Variants in ERI3 observed in about 807,000 individuals in gnomAD.
The protein encoded by ERI3 is ERI1 exoribonuclease family member 3.
A neutral mutation model predicts 44.4 loss-of-function variants in ERI3; 18 were observed. That is an observed-to-expected ratio of 0.41 (90% confidence interval 0.28 to 0.60). The LOEUF is 0.60. Among genes scored for constraint, ERI3 ranks in the 20% least tolerant of loss-of-function variants. The pLI is 0.36. For synonymous variants in ERI3, 183 were observed against 164.8 expected, an observed-to-expected ratio of 1.11 and a Z score of -0.84; for missense variants, 294 against 435.5, an observed-to-expected ratio of 0.68 and a Z score of 2.89.
At chr1:44,317,377 C>T (rs114249427) in intron 4 of ERI3, among the ~76,000 whole-genome samples, 13 of 152,270 alleles carry the variant, frequency 8.5e-5, no homozygotes, top group Non-Finnish European at 1.8e-4. Context: ...CTATGCCTCT[C>T]GGAGATACAA....
intron 4 of ERI3, among the ~76,000 whole-genome samples, chr1:44,317,816 G>C (rs1002135866): frequency 6.6e-6 from 1 of 152,118 alleles, no homozygotes; most frequent in Non-Finnish European, 1.5e-5. Flanking sequence ...AAGACAGACT[G>C]TAAGAGGGCA....
At chr1:44,328,997 C>T (rs1646374326) in intron 3 of ERI3, among the ~76,000 whole-genome samples, 1 of 152,192 alleles carries the variant, frequency 6.6e-6, no homozygotes, top group South Asian at 2.1e-4. Context: ...AGGGAGCTAG[C>T]AAAAAGTCTT....
chr1:44,275,217 G>C (rs1219792656), intron 7 of ERI3, among the ~76,000 whole-genome samples: 1 of 152,054 alleles, frequency 6.6e-6, no homozygotes, highest in Non-Finnish European at 1.5e-5. Context: ...AGCTCTGTGG[G>C]CAGCACCTTG....
chr1:44,221,380 GT>G lies in ERI3; in HGVS notation c.*177del, dbSNP rs1467319861. 1 of 589,792 alleles carries G rather than the reference GT, an allele frequency of 1.7e-6. No individual in the cohort carries two copies. Among genetic ancestry groups the G allele is most frequent in the African/African-American group, 1.9e-5 (1 of 52,986 alleles). The allele number at this position is 589,792 out of a possible 1,614,324, so 36.5% of individuals were successfully genotyped here. A position where few individuals can be genotyped will look rare whatever the true frequency, so the allele number is the denominator to read the frequency against. On this transcript the variant is annotated 3_prime_UTR_variant, in exon 9 of 9. Coordinates refer to ENST00000372257, the MANE Select transcript of ERI3 (RefSeq NM_024066.3). This position sits in a 1 kb window ranked among gnomAD's most constrained non-coding sequence, Gnocchi z 5.9. ...AAAGTGTCTGCTCCAGAAGGGCCAA[GT>G]GGCCAAGCCCTTGCAAGGGCACAAG...
At chr1:44,224,137 T>C (rs982687157) in intron 8 of ERI3, among the ~76,000 whole-genome samples, 4 of 152,210 alleles carry the variant, frequency 2.6e-5, no homozygotes, top group Admixed American at 6.5e-5. Flanking sequence ...TTTTCTCTTC[T>C]TCTCTGCCTA....
chr1:44,314,570 C>G (rs1429734719), intron 4 of ERI3, among the ~76,000 whole-genome samples: 1 of 152,166 alleles, frequency 6.6e-6, no homozygotes, highest in Non-Finnish European at 1.5e-5. Flanking sequence ...GCTGGCACCT[C>G]CACACCCTTT....
intron 6 of ERI3, among the ~76,000 whole-genome samples, chr1:44,295,679 A>G (rs1049847380): frequency 1.3e-5 from 2 of 152,216 alleles, no homozygotes; most frequent in African/African-American, 4.8e-5. Flanking sequence ...GACACTCTTA[A>G]ATCAATGAAT....
chr1:44,322,574 C>T, intron 3 of ERI3: 1 of 1,050,382 alleles, frequency 9.5e-7, no homozygotes, highest in Non-Finnish European at 1.3e-6. Context: ...TTTGCAGGGG[C>T]CCTTCCTCCA....
intron 5 of ERI3, among the ~76,000 whole-genome samples, chr1:44,312,388 ACC>A (rs1359817987): frequency 6.6e-6 from 1 of 151,804 alleles, no homozygotes; most frequent in African/African-American, 2.4e-5. Context: ...TGGGAGGGGG[ACC>A]TTCTCCCCCT....
At chr1:44,329,902 T>G (rs1572295138) in intron 3 of ERI3, among the ~76,000 whole-genome samples, 1 of 152,200 alleles carries the variant, frequency 6.6e-6, no homozygotes, top group African/African-American at 2.4e-5. Flanking sequence ...AAAAGAGTTA[T>G]GAGCTACATA....
rs997025696 is a variant in ERI3, at chr1:44,333,110, T to C, written c.489+5935A>G. Among the ~76,000 whole-genome samples, 6 of 152,326 alleles carry C rather than the reference T, an allele frequency of 3.9e-5. No homozygotes were observed. In the East Asian group the frequency reaches 5.8e-4, roughly 15 times the overall value. ...TCATAACTCAGCCCCCTCAAGCATT[T>C]TGTGCTCTGCTTATGGTGTTAACTT... On this transcript the variant is annotated intron_variant, in intron 3 of 8. Coordinates refer to ENST00000372257, the MANE Select transcript of ERI3 (RefSeq NM_024066.3).
At chr1:44,245,032 A>G (rs1373679520) in intron 8 of ERI3, among the ~76,000 whole-genome samples, 1 of 152,102 alleles carries the variant, frequency 6.6e-6, no homozygotes, top group Non-Finnish European at 1.5e-5. Flanking sequence ...CACACAGTTA[A>G]TTAGCACCAT....
At chr1:44,248,085 A>C (rs1557783431) in intron 7 of ERI3, 47 bp from the exon 8 acceptor site, 1 of 1,370,626 alleles carries the variant, frequency 7.3e-7, no homozygotes, top group Middle Eastern at 1.8e-4. Context: ...GACCCTCTGA[A>C]CCAACCCCAC....
chr1:44,283,821 A>C (rs565356607), intron 7 of ERI3, among the ~76,000 whole-genome samples: 7 of 152,258 alleles, frequency 4.6e-5, no homozygotes, highest in South Asian at 4.1e-4. Flanking sequence ...TCCAGCCCCC[A>C]CACACACCAA....
At chr1:44,313,102 G>A in intron 5 of ERI3, 67 bp downstream of exon 5, 1 of 1,339,586 alleles carries the variant, frequency 7.5e-7, no homozygotes, top group Non-Finnish European at 1.1e-6. Flanking sequence ...TACATTCTCA[G>A]GAGGGGAGGG....
Position 44,258,350 on chromosome 1 carries a change from C to T in ERI3, c.832-10312G>A, listed in dbSNP as rs80130785. ...GAGCATGCGGCACTACCGCCACCACCACCCACCCAGCCACCCCTCACATAC... is the reference window on the plus strand; with the variant it reads ...GAGCATGCGGCACTACCGCCACCACTACCCACCCAGCCACCCCTCACATAC... On this transcript the variant is annotated intron_variant, in intron 7 of 8. Transcript: ENST00000372257. Among the ~76,000 whole-genome samples, 1,300 of 152,296 alleles carry T rather than the reference C, an allele frequency of 8.5e-3. 21 individuals are homozygous for T. Among genetic ancestry groups the T allele is most frequent in the African/African-American group, 0.029 (1,208 of 41,544 alleles).
chr1:44,257,054 T>C (rs1413756328), intron 7 of ERI3: 1 of 152,004 alleles, frequency 6.6e-6, no homozygotes, highest in Non-Finnish European at 1.5e-5. Flanking sequence ...CAATTTCCTC[T>C]CCCACCGCTT....
intron 7 of ERI3, among the ~76,000 whole-genome samples, chr1:44,277,693 C>T (rs1394073705): frequency 6.6e-6 from 1 of 152,236 alleles, no homozygotes; most frequent in Non-Finnish European, 1.5e-5. Context: ...CAATACCACA[C>T]TCTTACAGTC....
rs143079257 is a variant in ERI3, at chr1:44,333,926, C to T, written c.489+5119G>A. Among the ~76,000 whole-genome samples the T allele has an allele frequency of 1.4e-3, 216 of 152,196 alleles. 1 individual carries two copies. Among genetic ancestry groups the T allele is most frequent in the African/African-American group, 5.0e-3 (207 of 41,518 alleles). ...GCAGATGGACTCTCTTCAAGGTTTC[C>T]GTAAAAAGGAAAAAAATGCTCCTGT... On this transcript the variant is annotated intron_variant, in intron 3 of 8. Transcript: ENST00000372257.
Sources: gnomAD v4.1 joint callset for allele counts (sites outside exome capture counted in the v4.1 genomes callset) on GRCh38, gnomAD v4.1.1 for gene constraint, Gnocchi (gnomAD v3.1) non-coding constraint, MANE v1.5 for transcripts, NCBI Gene and HGNC (gene_info 2026-07-23, HGNC 2026-07-21) for gene names.